The following MAGI2 variants were observed in gnomAD, a reference collection of about 807,000 sequenced individuals.
MAGI2 encodes the protein membrane associated guanylate kinase, WW and PDZ domain containing 2.
In MAGI2, 35 loss-of-function variants were observed where a neutral mutation model predicts 133.3. The observed-to-expected ratio is 0.26, with a 90% CI of 0.20 to 0.35. MAGI2 has a LOEUF of 0.35. Ranked by LOEUF, MAGI2 falls within the 10% of genes least tolerant of loss-of-function variation. The probability of loss-of-function intolerance (pLI) is 1.00; values close to 1 mark genes in which losing one functional copy is unlikely to be tolerated. For synonymous variants in MAGI2, 729 were observed against 710.6 expected (o/e 1.03, Z -0.41); for missense variants, 1,636 against 1,863.4 (o/e 0.88, Z 2.25).
At chr7:79,001,360 G>C (rs1454100126) in intron 2 of MAGI2, among the ~76,000 whole-genome samples, 3 of 152,320 alleles carry the variant, frequency 2.0e-5, no homozygotes, top group African/African-American at 7.2e-5. Flanking sequence ...ACAAAGAACA[G>C]TCTTGGGAGA....
intron 2 of MAGI2, among the ~76,000 whole-genome samples, chr7:78,790,718 GCCA>G (rs1370327341): frequency 1.3e-5 from 2 of 152,082 alleles, no homozygotes; most frequent in Non-Finnish European, 2.9e-5. Context: ...AGAGGTGTGA[GCCA>G]CCGTGCCCGG....
intron 20 of MAGI2, among the ~76,000 whole-genome samples, chr7:78,088,402 C>G (rs562318760): frequency 3.3e-5 from 5 of 152,272 alleles, no homozygotes; most frequent in South Asian, 2.1e-4. Context: ...CTAGACCTGA[C>G]AAGTTAACAG....
chr7:78,327,222 C>T (rs912628312), intron 9 of MAGI2, among the ~76,000 whole-genome samples: 3 of 152,188 alleles, frequency 2.0e-5, no homozygotes, highest in African/African-American at 7.2e-5. Flanking sequence ...AGGCTCTATT[C>T]TCCATGGCCA....
At chr7:78,613,247 C>T (rs1385589204) in intron 3 of MAGI2, among the ~76,000 whole-genome samples, 1 of 152,160 alleles carries the variant, frequency 6.6e-6, no homozygotes, top group Non-Finnish European at 1.5e-5. Flanking sequence ...CATGAGCATG[C>T]CCCTTTCTAA....
chr7:78,208,638 T>G (rs917053196), intron 10 of MAGI2, among the ~76,000 whole-genome samples: 1 of 151,374 alleles, frequency 6.6e-6, no homozygotes, highest in Admixed American at 6.6e-5. Context: ...AATCAATACT[T>G]GCAAATGGAA....
At chr7:78,231,316 AGAGGAATACTCTTT>A (rs1789946410) in intron 10 of MAGI2, among the ~76,000 whole-genome samples, 1 of 152,144 alleles carries the variant, frequency 6.6e-6, no homozygotes, top group Non-Finnish European at 1.5e-5. Flanking sequence ...TCCTCCATGG[AGAGGAATACTCTTT>A]GGAATTCTGG....
At chr7:78,128,729 C>T (rs1821245429) in intron 18 of MAGI2, among the ~76,000 whole-genome samples, 1 of 152,112 alleles carries the variant, frequency 6.6e-6, no homozygotes, top group Non-Finnish European at 1.5e-5. Context: ...CTTGGGGCTC[C>T]TTAGAAGGGG....
At chr7:78,788,736 C>G (rs1040693750) in intron 2 of MAGI2, among the ~76,000 whole-genome samples, 2 of 152,120 alleles carry the variant, frequency 1.3e-5, no homozygotes, top group African/African-American at 4.8e-5. Flanking sequence ...TAGGGAATAC[C>G]TCCCACTAAT....
chr7:78,922,337 C>A (rs1321672280), intron 2 of MAGI2, among the ~76,000 whole-genome samples: 1 of 151,146 alleles, frequency 6.6e-6, no homozygotes, highest in African/African-American at 2.4e-5. Flanking sequence ...TGCTATCCCT[C>A]CCCCCTGCCC....
At chr7:78,586,010 G>A (rs572781813) in intron 3 of MAGI2, among the ~76,000 whole-genome samples, 2 of 152,262 alleles carry the variant, frequency 1.3e-5, no homozygotes, top group East Asian at 3.9e-4. Flanking sequence ...ATTTTAGGTA[G>A]ACAAAGTAGA....
intron 1 of MAGI2, among the ~76,000 whole-genome samples, chr7:79,439,980 C>G (rs1848392294): frequency 6.6e-6 from 1 of 152,010 alleles, no homozygotes; most frequent in African/African-American, 2.4e-5. Flanking sequence ...GAAATAGCAC[C>G]AATAAAGATG....
chr7:78,360,202 C>T (rs538392305), intron 7 of MAGI2, among the ~76,000 whole-genome samples: 4 of 152,254 alleles, frequency 2.6e-5, no homozygotes, highest in South Asian at 4.1e-4. Flanking sequence ...TTAACATTGT[C>T]GGCATCTCTT....
intron 1 of MAGI2, among the ~76,000 whole-genome samples, chr7:79,341,532 G>A (rs1302147752): frequency 1.3e-5 from 2 of 152,076 alleles, no homozygotes; most frequent in Admixed American, 1.3e-4. Flanking sequence ...TGCAAAGAGG[G>A]CTTTACCAAC....
intron 2 of MAGI2, among the ~76,000 whole-genome samples, chr7:78,889,178 A>G (rs958091244): frequency 1.3e-5 from 2 of 151,478 alleles, no homozygotes; most frequent in Admixed American, 6.6e-5. Context: ...AAGTTTAGAG[A>G]AAAAAGAATA....
At chr7:78,627,387 G>T in intron 2 of MAGI2, 148 bp from the exon 3 acceptor site, 1 of 659,088 alleles carries the variant, frequency 1.5e-6, no homozygotes, top group Non-Finnish European at 2.2e-6. Context: ...TGTTTGTTTG[G>T]CAACAGAAAA....
chr7:78,916,538 A>C (rs1798810201), intron 2 of MAGI2, among the ~76,000 whole-genome samples: 1 of 152,164 alleles, frequency 6.6e-6, no homozygotes, highest in Non-Finnish European at 1.5e-5. Flanking sequence ...AAGTAAATTC[A>C]CCCTATTTGA....
intron 1 of MAGI2, among the ~76,000 whole-genome samples, chr7:79,262,289 G>A (rs1834145046): frequency 6.6e-6 from 1 of 152,118 alleles, no homozygotes; most frequent in Admixed American, 6.6e-5. Flanking sequence ...ACATTTTAGA[G>A]GACCTAGCAT....
chr7:78,719,719 C>A (rs1820075607), intron 2 of MAGI2, among the ~76,000 whole-genome samples: 1 of 152,166 alleles, frequency 6.6e-6, no homozygotes, highest in South Asian at 2.1e-4. Flanking sequence ...AGGTGTTTGA[C>A]ATATGAGGGG....
intron 2 of MAGI2, chr7:78,902,592 A>T (rs577516266): frequency 6.6e-5 from 10 of 152,314 alleles, no homozygotes; most frequent in African/African-American, 2.4e-4. Flanking sequence ...GGAGTTCTAC[A>T]ATTCATATCC....
Sources: allele counts gnomAD v4.1 joint callset (sites outside exome capture counted in the v4.1 genomes callset), GRCh38; gene constraint gnomAD v4.1.1; transcripts MANE v1.5; gene names NCBI Gene and HGNC (gene_info 2026-07-23, HGNC 2026-07-21).